Variants in EHD1 observed in about 807,000 individuals in gnomAD.
EHD1 encodes EH domain-containing protein 1.
EHD1 carries 19 observed loss-of-function variants against 39.0 expected under a neutral mutation model. The ratio of observed to expected loss-of-function variants is 0.49; its 90% CI spans 0.34 to 0.72. The LOEUF (loss-of-function observed/expected upper bound fraction) is 0.72. EHD1 is among the 30% of genes least tolerant of loss of function. EHD1 has a pLI of 0.01. For synonymous variants in EHD1, 323 were observed against 331.2 expected, an observed-to-expected ratio of 0.98 and a Z score of 0.27; for missense variants, 542 against 751.5, an observed-to-expected ratio of 0.72 and a Z score of 3.26.
At chr11:64,877,611 C>T (rs529498439) in intron 1 of EHD1, among the ~76,000 whole-genome samples, 1 of 152,342 alleles carries the variant, frequency 6.6e-6, no homozygotes, top group East Asian at 1.9e-4. Flanking sequence ...CACACCGCAC[C>T]AGAGAAGGGA....
At chr11:64,879,210 T>G (rs1592757902), upstream of EHD1, 1 of 1,084,948 alleles carries the variant, frequency 9.2e-7, no homozygotes, top group Non-Finnish European at 1.1e-6. Flanking sequence ...GCTGAGGGAG[T>G]AGAGAATCCG....
intron 2 of EHD1, among the ~76,000 whole-genome samples, chr11:64,860,731 A>G (rs1051837768): frequency 1.3e-5 from 2 of 151,082 alleles, no homozygotes; most frequent in African/African-American, 2.4e-5. Flanking sequence ...AAAAAAAAAA[A>G]AAAGAAAAGG....
intron 2 of EHD1, among the ~76,000 whole-genome samples, chr11:64,861,776 C>T (rs1943719171): frequency 6.6e-6 from 1 of 152,194 alleles, no homozygotes; most frequent in Non-Finnish European, 1.5e-5. Flanking sequence ...AGTTTGCTGA[C>T]CTCTGCTCTA....
chr11:64,857,269 T>C (rs969556170), intron 3 of EHD1, among the ~76,000 whole-genome samples: 3 of 151,860 alleles, frequency 2.0e-5, no homozygotes, highest in Middle Eastern at 3.4e-3. Flanking sequence ...TACTAAAATA[T>C]AAAAATTAGC....
chr11:64,865,682 T>A (rs942596784), intron 2 of EHD1, among the ~76,000 whole-genome samples: 2 of 152,130 alleles, frequency 1.3e-5, no homozygotes, highest in African/African-American at 4.8e-5. Flanking sequence ...CTAGAAGACA[T>A]GATGCTAAGT....
intron 3 of EHD1, among the ~76,000 whole-genome samples, chr11:64,858,338 C>T (rs1014090751): frequency 1.3e-5 from 2 of 151,886 alleles, no homozygotes; most frequent in African/African-American, 2.4e-5. Context: ...CGCACCACCA[C>T]GCCCGGCTAA....
rs1592751393 is a variant in EHD1 at position 64,868,725 on chromosome 11, C to T, written c.502+5696G>A. Among the ~76,000 whole-genome samples the T allele has an allele frequency of 6.6e-6, 1 of 152,216 alleles. No homozygotes were observed. Reference sequence around the variant, plus strand: ...ATACTCTCTGTCATGGTGGCGGCAGCCCAGGAATGCTTTGTACAGCAGGGC... The same window carrying T: ...ATACTCTCTGTCATGGTGGCGGCAGTCCAGGAATGCTTTGTACAGCAGGGC... On this transcript the variant is annotated intron_variant, in intron 2 of 4. Coordinates refer to ENST00000320631, the MANE Select transcript of EHD1 (RefSeq NM_006795.4). This position sits in a 1 kb window ranked among gnomAD's most constrained non-coding sequence, Gnocchi z 4.2.
chr11:64,855,071 G>T, intron 4 of EHD1: 1 of 829,180 alleles, frequency 1.2e-6, no homozygotes, highest in South Asian at 1.8e-5. Context: ...AGGATTCATG[G>T]ACAGGGCACC....
chr11:64,864,881 C>T (rs916741376), intron 2 of EHD1, among the ~76,000 whole-genome samples: 2 of 152,106 alleles, frequency 1.3e-5, no homozygotes, highest in African/African-American at 4.8e-5. Flanking sequence ...AGCAAGGCCC[C>T]ACTCCCCCCT....
At position 64,874,415 on chromosome 11, in the gene EHD1, G is replaced by C. The variant is rs1459681553; in HGVS notation, c.502+6C>G. 6.3e-7 allele frequency: 1 copy of C among 1,588,358 alleles called. No homozygotes were observed. On this transcript the variant is annotated splice_donor_region_variant and intron_variant, in intron 2 of 4. Transcript: ENST00000320631. ...AGCAGCCCGAGCTGTGGTCACAGCT[G>C]TTTACCTCTGCTGATCCGCTGCTTC...
chr11:64,879,530 A>G (rs1157408072), upstream of EHD1: 7 of 1,529,900 alleles, frequency 4.6e-6, no homozygotes, highest in Non-Finnish European at 5.3e-6. Context: ...GGAAGTTTAA[A>G]AACCCAAATA....
chr11:64,879,342 G>C (rs945279884), upstream of EHD1, among the ~76,000 whole-genome samples: 5 of 152,152 alleles, frequency 3.3e-5, no homozygotes, highest in Non-Finnish European at 7.3e-5. Context: ...CACCGGACTC[G>C]CGCGGGAGAA....
rs757455875 is a variant in EHD1 at position 64,853,565 on chromosome 11, C to T, written c.*768G>A. On this transcript the variant is annotated 3_prime_UTR_variant, in exon 5 of 5. Coordinates refer to ENST00000320631, the MANE Select transcript of EHD1 (RefSeq NM_006795.4). ...GGGTGGGAAGGGGAGACAAAAATCA[C>T]AGCTTTTGAACAGTGGTTGGGAAGT... 2.0e-5 allele frequency: 3 copies of T among 152,682 alleles called. No homozygotes were observed. The highest frequency in any genetic ancestry group is 1.9e-4 in the East Asian group (1 of 5,202). The allele number at this position is 152,682 out of a possible 1,614,324, so 9.5% of individuals were successfully genotyped here. A position where few individuals can be genotyped will look rare whatever the true frequency, so the allele number is the denominator to read the frequency against.
intron 3 of EHD1, among the ~76,000 whole-genome samples, chr11:64,859,373 A>C (rs1036593198): frequency 6.6e-6 from 1 of 152,124 alleles, no homozygotes; most frequent in Non-Finnish European, 1.5e-5. Context: ...TACAAAAATC[A>C]GCTGGGCATA....
upstream of EHD1, chr11:64,878,930 C>A: frequency 9.8e-7 from 1 of 1,015,374 alleles, no homozygotes; most frequent in Non-Finnish European, 1.2e-6. Context: ...CTGGGCCGCG[C>A]GCCTTCCGGC....
chr11:64,872,322 G>A lies in EHD1; in HGVS notation c.502+2099C>T, dbSNP rs139726034. Reference sequence around the variant, plus strand: ...CTAAAAATATAAAAATTAGCCAGGCGTGGTGGCATGCACCTGTAATCCCAG... The same window carrying A: ...CTAAAAATATAAAAATTAGCCAGGCATGGTGGCATGCACCTGTAATCCCAG... On this transcript the variant is annotated intron_variant, in intron 2 of 4. Coordinates refer to ENST00000320631, the MANE Select transcript of EHD1 (RefSeq NM_006795.4). Among the ~76,000 whole-genome samples, 1,423 of 152,200 alleles carry A rather than the reference G, an allele frequency of 9.3e-3. 7 individuals are homozygous for A. Among genetic ancestry groups the A allele is most frequent in the Non-Finnish European group, 0.014 (972 of 67,998 alleles).
chr11:64,860,450 A>C, intron 2 of EHD1, 114 bp from the exon 3 acceptor site: 3 of 1,390,484 alleles, frequency 2.2e-6, no homozygotes, highest in East Asian at 2.5e-5. Context: ...TAAAATTCCT[A>C]TAGGCCGGGC....
chr11:64,865,818 TA>T (rs1472129019), intron 2 of EHD1, among the ~76,000 whole-genome samples: 2 of 152,218 alleles, frequency 1.3e-5, no homozygotes, highest in Non-Finnish European at 2.9e-5. Context: ...CAACATCTCA[TA>T]ACAGTCAGAA....
intron 4 of EHD1, 179 bp downstream of exon 4, chr11:64,855,143 C>T: frequency 9.3e-7 from 1 of 1,073,198 alleles, no homozygotes; most frequent in Non-Finnish European, 1.3e-6. Flanking sequence ...ACATTCCCCT[C>T]TGCAGTGTCA....
Sources: allele counts gnomAD v4.1 joint callset (sites outside exome capture counted in the v4.1 genomes callset), GRCh38; gene constraint gnomAD v4.1.1; non-coding constraint Gnocchi (gnomAD v3.1); transcripts MANE v1.5; gene names NCBI Gene and HGNC (gene_info 2026-07-23, HGNC 2026-07-21).